AUTS2: variants seen among roughly 807,000 people sequenced by gnomAD.
AUTS2 encodes activator of transcription and developmental regulator AUTS2.
Under a neutral mutation model 112.4 loss-of-function variants are expected in AUTS2, and 17 were observed. The ratio of observed to expected loss-of-function variants is 0.15; its 90% CI spans 0.10 to 0.23. The LOEUF (loss-of-function observed/expected upper bound fraction) is 0.23, where lower values mean the gene tolerates loss of function less well. Ranked by LOEUF, AUTS2 falls within the 10% of genes least tolerant of loss-of-function variation. AUTS2 has a pLI of 1.00. For missense variants in AUTS2, 1,510 were observed against 1,701.6 expected, an observed-to-expected ratio of 0.89 and a Z score of 1.98; for synonymous variants, 751 against 702.7, an observed-to-expected ratio of 1.07 and a Z score of -1.09.
chr7:70,481,412 A>G (rs1362918094), intron 5 of AUTS2, among the ~76,000 whole-genome samples: 1 of 152,158 alleles, frequency 6.6e-6, no homozygotes, highest in Admixed American at 6.5e-5. Context: ...AACAACAGCA[A>G]ATTGCTTCTA....
intron 4 of AUTS2, among the ~76,000 whole-genome samples, chr7:70,298,619 A>G (rs1211153601): frequency 6.6e-6 from 1 of 152,188 alleles, no homozygotes; most frequent in Non-Finnish European, 1.5e-5. Flanking sequence ...TGTTACCCCA[A>G]TCCATATTAA....
intron 2 of AUTS2, among the ~76,000 whole-genome samples, chr7:70,046,510 A>G (rs1284926772): frequency 6.6e-6 from 1 of 152,212 alleles, no homozygotes; most frequent in Non-Finnish European, 1.5e-5. Flanking sequence ...CCTGGACTCT[A>G]TTCTCAAGCA....
At chr7:70,470,949 G>C (rs963815990) in intron 5 of AUTS2, among the ~76,000 whole-genome samples, 3 of 152,130 alleles carry the variant, frequency 2.0e-5, no homozygotes, top group African/African-American at 7.2e-5. Context: ...AATCATTCCC[G>C]GGGAAGGAAG....
chr7:70,482,213 C>T (rs1797817132), intron 5 of AUTS2, among the ~76,000 whole-genome samples: 2 of 152,142 alleles, frequency 1.3e-5, no homozygotes, highest in African/African-American at 2.4e-5. Flanking sequence ...GAGGACAAAG[C>T]TGTAAGGGCA....
chr7:69,879,483 G>C (rs1562946218), intron 1 of AUTS2, among the ~76,000 whole-genome samples: 1 of 151,996 alleles, frequency 6.6e-6, no homozygotes. Flanking sequence ...AGAAAATGTA[G>C]GCAGTTTCTG....
rs907697939 is a variant in AUTS2, at chr7:70,549,986, T to C, written c.690+114205T>C. On this transcript the variant is annotated intron_variant, in intron 5 of 18. Transcript: ENST00000342771. Reference sequence around the variant, plus strand: ...TGGTTTTGTTTTGTTTTTGCAGCTATACTTTAGGAAAGGTGTTAGAGAAGA... The same window carrying C: ...TGGTTTTGTTTTGTTTTTGCAGCTACACTTTAGGAAAGGTGTTAGAGAAGA... Among the ~76,000 whole-genome samples the C allele has an allele frequency of 2.0e-5, 3 of 152,230 alleles. No individual in the cohort carries two copies. The East Asian group carries it at 5.8e-4, about 29-fold the overall frequency.
chr7:69,972,339 A>T (rs1797881889), intron 2 of AUTS2, among the ~76,000 whole-genome samples: 1 of 152,032 alleles, frequency 6.6e-6, no homozygotes, highest in Non-Finnish European at 1.5e-5. Flanking sequence ...AGTTCCTAAT[A>T]TTTTCTAGAC....
chr7:70,021,898 T>A (rs1276146726), intron 2 of AUTS2, among the ~76,000 whole-genome samples: 1 of 152,032 alleles, frequency 6.6e-6, no homozygotes, highest in East Asian at 1.9e-4. Context: ...TTGAGATAAA[T>A]GTGTGTAAGT....
At chr7:70,616,888 G>A (rs899376623) in intron 5 of AUTS2, among the ~76,000 whole-genome samples, 2 of 151,668 alleles carry the variant, frequency 1.3e-5, no homozygotes, top group African/African-American at 4.8e-5. Context: ...AAGATTAAGA[G>A]CAGAGAAGAA....
intron 5 of AUTS2, among the ~76,000 whole-genome samples, chr7:70,561,400 G>A (rs1801479431): frequency 6.6e-6 from 1 of 152,184 alleles, no homozygotes; most frequent in Admixed American, 6.5e-5. Context: ...GGCTGTGGTG[G>A]GATTGCTTGA....
chr7:70,255,382 C>G (rs1786813386), intron 4 of AUTS2, among the ~76,000 whole-genome samples: 1 of 152,064 alleles, frequency 6.6e-6, no homozygotes, highest in African/African-American at 2.4e-5. Flanking sequence ...ACGAAATTAC[C>G]TTTAAAAAGG....
chr7:70,292,585 T>G (rs1788757548), intron 4 of AUTS2: 1 of 152,186 alleles, frequency 6.6e-6, no homozygotes, highest in Non-Finnish European at 1.5e-5. Context: ...AATGCATGAT[T>G]GGGGATGGAG....
chr7:70,655,548 G>A (rs1325393196), intron 5 of AUTS2, among the ~76,000 whole-genome samples: 1 of 152,208 alleles, frequency 6.6e-6, no homozygotes, highest in Non-Finnish European at 1.5e-5. Flanking sequence ...CGGTAAGGGG[G>A]TGAGCATAAA....
intron 14 of AUTS2, 73 bp downstream of exon 14, chr7:70,777,247 G>A: frequency 7.4e-7 from 1 of 1,350,068 alleles, no homozygotes; most frequent in South Asian, 1.2e-5. Context: ...GGGAGAACCT[G>A]ATGAAGGAGG....
intron 4 of AUTS2, among the ~76,000 whole-genome samples, chr7:70,417,374 T>C (rs1297149914): frequency 2.0e-5 from 3 of 152,220 alleles, no homozygotes; most frequent in Non-Finnish European, 1.5e-5. Flanking sequence ...AAATTGGCGC[T>C]GTCATAGCTG....
At chr7:70,271,173 C>T (rs1297001062) in intron 4 of AUTS2, among the ~76,000 whole-genome samples, 1 of 152,122 alleles carries the variant, frequency 6.6e-6, no homozygotes, top group Non-Finnish European at 1.5e-5. Context: ...CTTTCTTTCC[C>T]TTCAGTTGCT....
At chr7:70,589,985 G>C (rs1338976267) in intron 5 of AUTS2, among the ~76,000 whole-genome samples, 1 of 152,156 alleles carries the variant, frequency 6.6e-6, no homozygotes, top group Non-Finnish European at 1.5e-5. Context: ...GGAGGAGGGA[G>C]AGCAGTCTGC....
At chr7:70,513,056 C>T (rs996308101) in intron 5 of AUTS2, among the ~76,000 whole-genome samples, 1 of 152,130 alleles carries the variant, frequency 6.6e-6, no homozygotes, top group Non-Finnish European at 1.5e-5. Flanking sequence ...GGACAAAGTG[C>T]TAGTTTAACA....
intron 1 of AUTS2, among the ~76,000 whole-genome samples, chr7:69,743,910 A>G (rs1787372631): frequency 6.6e-6 from 1 of 151,926 alleles, no homozygotes; most frequent in South Asian, 2.1e-4. Flanking sequence ...AACTTCTCCC[A>G]TCTCAGCCTC....
Sources: gnomAD v4.1 joint callset for allele counts (sites outside exome capture counted in the v4.1 genomes callset) on GRCh38, gnomAD v4.1.1 for gene constraint, MANE v1.5 for transcripts, NCBI Gene and HGNC (gene_info 2026-07-23, HGNC 2026-07-21) for gene names.